Variants in MED12L observed in about 807,000 individuals in gnomAD.
The protein encoded by MED12L is mediator complex subunit 12L.
MED12L carries 60 observed loss-of-function variants against 281.3 expected under a neutral mutation model. The observed-to-expected ratio is 0.21, with a 90% CI of 0.17 to 0.26. The LOEUF (loss-of-function observed/expected upper bound fraction) is 0.26, where lower values mean the gene tolerates loss of function less well. Ranked by LOEUF, MED12L falls within the 10% of genes least tolerant of loss-of-function variation. The pLI is 1.00. For missense variants in MED12L, 2,146 were observed against 2,680.9 expected (o/e 0.80, Z 4.41); for synonymous variants, 974 against 987.2 (o/e 0.99, Z 0.25).
intron 30 of MED12L, 62 bp downstream of exon 30, chr3:151,377,240 G>A (rs1301794984): frequency 7.4e-7 from 1 of 1,344,796 alleles, no homozygotes; most frequent in Non-Finnish European, 1.0e-6. Flanking sequence ...GGTAAATTTT[G>A]TGTAGCACAG....
At chr3:151,253,465 C>G (rs961990278) in intron 16 of MED12L, among the ~76,000 whole-genome samples, 1 of 152,194 alleles carries the variant, frequency 6.6e-6, no homozygotes, top group African/African-American at 2.4e-5. Flanking sequence ...GGGCCGTTTC[C>G]TAAGCCTGGC....
rs1204200747 is a variant in MED12L, at chr3:151,433,224, A to C, written c.*420A>C. 6.5e-6 allele frequency: 1 copy of C among 154,706 alleles called. No homozygotes were observed. Among genetic ancestry groups the C allele is most frequent in the Non-Finnish European group, 1.4e-5 (1 of 69,658 alleles). The allele number at this position is 154,706 out of a possible 1,614,324, so 9.6% of individuals were successfully genotyped here. A position where few individuals can be genotyped will look rare whatever the true frequency, so the allele number is the denominator to read the frequency against. On this transcript the variant is annotated 3_prime_UTR_variant, in exon 45 of 45. Transcript: ENST00000687756. ...TTTCCAAACTGTGCTGGACCAAACTACTGATTTGAAAGGCATGTCAGATCT... is the reference window on the plus strand; with the variant it reads ...TTTCCAAACTGTGCTGGACCAAACTCCTGATTTGAAAGGCATGTCAGATCT...
At chr3:151,180,744 G>T (rs1376966717) in intron 11 of MED12L, among the ~76,000 whole-genome samples, 2 of 152,134 alleles carry the variant, frequency 1.3e-5, no homozygotes, top group Non-Finnish European at 2.9e-5. Context: ...ATATTCATTG[G>T]ATTTTTATGA....
intron 16 of MED12L, among the ~76,000 whole-genome samples, chr3:151,280,535 G>T (rs1474657129): frequency 6.6e-6 from 1 of 152,138 alleles, no homozygotes; most frequent in African/African-American, 2.4e-5. Flanking sequence ...GATTTCATTT[G>T]TTGGTGTCTA....
At chr3:151,417,668 A>G (rs1241388221) in intron 43 of MED12L, among the ~76,000 whole-genome samples, 1 of 151,804 alleles carries the variant, frequency 6.6e-6, no homozygotes, top group African/African-American at 2.4e-5. Flanking sequence ...GTATTTCACC[A>G]TGTTGGCCAG....
chr3:151,360,262 T>C (rs573355166), intron 20 of MED12L, among the ~76,000 whole-genome samples: 1 of 152,292 alleles, frequency 6.6e-6, no homozygotes, highest in African/African-American at 2.4e-5. Context: ...TTGTCATCAG[T>C]GACATTTCTG....
intron 39 of MED12L, among the ~76,000 whole-genome samples, chr3:151,400,929 G>C (rs1203429227): frequency 6.6e-6 from 1 of 152,052 alleles, no homozygotes; most frequent in Admixed American, 6.6e-5. Flanking sequence ...AAAAATTACA[G>C]ATGTGGATGA....
At chr3:151,372,546 T>A (rs1577479662) in intron 26 of MED12L, 21 bp from the exon 27 acceptor site, 2 of 1,603,182 alleles carry the variant, frequency 1.2e-6, no homozygotes, top group East Asian at 4.5e-5. Flanking sequence ...GTGATTTTGC[T>A]TTTGTGATTC....
chr3:151,238,436 C>T (rs572764145), intron 16 of MED12L, among the ~76,000 whole-genome samples: 3 of 152,326 alleles, frequency 2.0e-5, no homozygotes, highest in South Asian at 4.1e-4. Context: ...CGTGAGCCAC[C>T]GCGCCCAGCC....
At chr3:151,328,892 A>G (rs1055421055) in intron 16 of MED12L, 3 of 1,613,956 alleles carry the variant, frequency 1.9e-6, no homozygotes, top group Non-Finnish European at 1.7e-6. Flanking sequence ...GCCGGTCAAG[A>G]AAACCACTGT....
intron 16 of MED12L, among the ~76,000 whole-genome samples, chr3:151,291,298 A>G (rs942053300): frequency 3.1e-5 from 3 of 98,128 alleles, no homozygotes; most frequent in Admixed American, 1.2e-4. Flanking sequence ...AAATTTCTGC[A>G]TTCCCTTAGG....
chr3:151,241,614 A>G (rs1559923832), intron 16 of MED12L, among the ~76,000 whole-genome samples: 1 of 152,138 alleles, frequency 6.6e-6, no homozygotes, highest in African/African-American at 2.4e-5. Context: ...GGTTATATAT[A>G]TGTGTGTGTG....
chr3:151,196,893 G>C (rs1426464062), intron 16 of MED12L, among the ~76,000 whole-genome samples: 1 of 152,176 alleles, frequency 6.6e-6, no homozygotes, highest in Non-Finnish European at 1.5e-5. Flanking sequence ...AATCAAACTT[G>C]TTTTCCTAGC....
intron 16 of MED12L, chr3:151,212,981 T>C (rs1242568275): frequency 6.2e-6 from 1 of 162,512 alleles, no homozygotes; most frequent in Non-Finnish European, 1.3e-5. Flanking sequence ...TATTTACTAT[T>C]TAAATTTCTA....
chr3:151,144,658 G>A (rs1447002216), intron 5 of MED12L, among the ~76,000 whole-genome samples: 1 of 152,124 alleles, frequency 6.6e-6, no homozygotes, highest in African/African-American at 2.4e-5. Context: ...CTTTCCTGGG[G>A]TACTGCCCCC....
chr3:151,204,441 A>G (rs1455430581), intron 16 of MED12L, among the ~76,000 whole-genome samples: 1 of 152,210 alleles, frequency 6.6e-6, no homozygotes, highest in Non-Finnish European at 1.5e-5. Context: ...CCAAATTCAT[A>G]TAATTATTAT....
At chr3:151,168,971 T>A (rs1053530226) in intron 11 of MED12L, among the ~76,000 whole-genome samples, 1 of 152,156 alleles carries the variant, frequency 6.6e-6, no homozygotes, top group Admixed American at 6.5e-5. Context: ...CCAGTGTGCC[T>A]GGACTAAATT....
chr3:151,283,152 A>T (rs1451498998), intron 16 of MED12L, among the ~76,000 whole-genome samples: 1 of 152,232 alleles, frequency 6.6e-6, no homozygotes, highest in Non-Finnish European at 1.5e-5. Flanking sequence ...AACAGTTTTT[A>T]AAAAAATTAA....
chr3:151,173,932 A>G (rs1721735296), intron 11 of MED12L, among the ~76,000 whole-genome samples: 1 of 152,254 alleles, frequency 6.6e-6, no homozygotes, highest in Admixed American at 6.5e-5. Flanking sequence ...AAAGGCAAGC[A>G]GTAAAGTTTT....
Sources: allele counts gnomAD v4.1 joint callset (sites outside exome capture counted in the v4.1 genomes callset), GRCh38; gene constraint gnomAD v4.1.1; transcripts MANE v1.5; gene names NCBI Gene and HGNC (gene_info 2026-07-23, HGNC 2026-07-21).